Variants in DLG2 observed in about 807,000 individuals in gnomAD.
DLG2 encodes disks large homolog 2.
In DLG2, 45 loss-of-function variants were observed where a neutral mutation model predicts 132.5. The observed-to-expected ratio is 0.34, with a 90% confidence interval of 0.27 to 0.44. DLG2 has a LOEUF of 0.44. Among genes scored for constraint, DLG2 ranks in the 20% least tolerant of loss-of-function variants. The pLI, the probability that DLG2 is intolerant of heterozygous loss-of-function variation, is 1.00. For synonymous variants in DLG2, 424 were observed against 419.6 expected (o/e 1.01, Z -0.13); for missense variants, 1,045 against 1,196.9 (o/e 0.87, Z 1.87).
intron 7 of DLG2, chr11:84,273,330 C>T (rs950098036): frequency 9.6e-7 from 1 of 1,040,936 alleles, no homozygotes; most frequent in Non-Finnish European, 1.2e-6. Context: ...AAAAAAAAAA[C>T]CCTGCAGATC....
chr11:84,274,896 A>C (rs2097769910), intron 7 of DLG2, among the ~76,000 whole-genome samples: 1 of 152,028 alleles, frequency 6.6e-6, no homozygotes, highest in Non-Finnish European at 1.5e-5. Flanking sequence ...CTCTGCCTTC[A>C]TTCCTGCCCT....
intron 3 of DLG2, among the ~76,000 whole-genome samples, chr11:85,343,900 A>G (rs2082665153): frequency 1.3e-5 from 2 of 151,602 alleles, no homozygotes; most frequent in African/African-American, 4.9e-5. Context: ...ATCATACATC[A>G]TTTCAGCAAA....
At chr11:83,790,406 C>A (rs999100335) in intron 17 of DLG2, 106 of 1,008,896 alleles carry the variant, frequency 1.1e-4, no homozygotes, top group Non-Finnish European at 1.5e-4. Context: ...TGCCTCCCAA[C>A]ATGTGATTGG....
chr11:84,193,050 A>G (rs189471737), intron 8 of DLG2, among the ~76,000 whole-genome samples: 1 of 152,316 alleles, frequency 6.6e-6, no homozygotes, highest in East Asian at 1.9e-4. Context: ...GAAGTGGCTA[A>G]CAATGCATGT....
intron 6 of DLG2, among the ~76,000 whole-genome samples, chr11:84,984,752 A>G (rs1262345208): frequency 6.6e-6 from 1 of 152,198 alleles, no homozygotes; most frequent in Non-Finnish European, 1.5e-5. Flanking sequence ...CACACCTAAC[A>G]TAAGGACTCA....
At chr11:84,481,136 T>C (rs141234875) in intron 7 of DLG2, among the ~76,000 whole-genome samples, 18 of 152,252 alleles carry the variant, frequency 1.2e-4, no homozygotes, top group African/African-American at 4.1e-4. Context: ...AGGCCTAGGA[T>C]ACTGTTAGCG....
At chr11:83,927,858 G>A (rs1591217000) in intron 15 of DLG2, among the ~76,000 whole-genome samples, 1 of 152,046 alleles carries the variant, frequency 6.6e-6, no homozygotes, top group Non-Finnish European at 1.5e-5. Context: ...ATATTTTGGA[G>A]GTAGAATCAA....
intron 9 of DLG2, among the ~76,000 whole-genome samples, chr11:84,162,583 C>T (rs1285645273): frequency 2.6e-5 from 4 of 152,006 alleles, no homozygotes; most frequent in East Asian, 1.9e-4. Context: ...ACACATTCAT[C>T]GTGTATTTGT....
intron 18 of DLG2, among the ~76,000 whole-genome samples, chr11:83,680,517 A>T (rs1001889619): frequency 6.6e-6 from 1 of 152,140 alleles, no homozygotes; most frequent in Non-Finnish European, 1.5e-5. Context: ...TGCTCTATCC[A>T]GAAGCTTTGA....
At chr11:83,636,158 A>T (rs996814899) in intron 18 of DLG2, among the ~76,000 whole-genome samples, 1 of 152,108 alleles carries the variant, frequency 6.6e-6, no homozygotes, top group African/African-American at 2.4e-5. Flanking sequence ...CTTCTTAAAC[A>T]TCTAACTCTG....
chr11:84,985,534 CACAG>C (rs1352081011), intron 6 of DLG2, among the ~76,000 whole-genome samples: 2 of 151,858 alleles, frequency 1.3e-5, no homozygotes, highest in South Asian at 2.1e-4. Flanking sequence ...TCTGAAAGAG[CACAG>C]ACAGACAATC....
chr11:84,135,388 G>T (rs1376061086), intron 9 of DLG2, among the ~76,000 whole-genome samples: 2 of 152,066 alleles, frequency 1.3e-5, no homozygotes, highest in African/African-American at 4.8e-5. Flanking sequence ...GAAAAATGGG[G>T]CTGTTATTAT....
chr11:84,115,494 CA>C (rs915961766), intron 9 of DLG2, among the ~76,000 whole-genome samples: 23 of 151,856 alleles, frequency 1.5e-4, no homozygotes, highest in Non-Finnish European at 1.3e-4. Context: ...TTGCAGGGGA[CA>C]AAAAAAATTT....
chr11:84,106,626 A>T (rs2154187601), intron 9 of DLG2, among the ~76,000 whole-genome samples: 1 of 152,274 alleles, frequency 6.6e-6, no homozygotes, highest in South Asian at 2.1e-4. Flanking sequence ...TGCTGGGTAG[A>T]AAAGCCATCA....
intron 21 of DLG2, among the ~76,000 whole-genome samples, chr11:83,529,251 A>T (rs2095681083): frequency 6.6e-6 from 1 of 152,124 alleles, no homozygotes; most frequent in South Asian, 2.1e-4. Flanking sequence ...TCAATGACTT[A>T]TTCCTGTAGT....
chr11:85,222,074 G>A (rs2074683127), intron 4 of DLG2, among the ~76,000 whole-genome samples: 1 of 151,956 alleles, frequency 6.6e-6, no homozygotes, highest in Non-Finnish European at 1.5e-5. Flanking sequence ...AAGTAGATGG[G>A]ACTACAGGTG....
At position 85,124,287 on chromosome 11, in the gene DLG2, G is replaced by T. The variant is rs1158336987; in HGVS notation, c.283-12552C>A. ...TATTTATGTGACCTGTGTCACTTAA[G>T]ATTACTTCTAACACATATACAGACA... On this transcript the variant is annotated intron_variant, in intron 5 of 27. Coordinates refer to ENST00000376104, the MANE Select transcript of DLG2 (RefSeq NM_001142699.3). Among the ~76,000 whole-genome samples, 4 of 152,196 alleles carry T rather than the reference G, an allele frequency of 2.6e-5. No homozygotes were observed. In the East Asian group the frequency reaches 7.7e-4, roughly 29 times the overall value.
chr11:84,490,281 T>G (rs2099161493), intron 7 of DLG2, among the ~76,000 whole-genome samples: 3 of 152,148 alleles, frequency 2.0e-5, no homozygotes, highest in Non-Finnish European at 4.4e-5. Flanking sequence ...TAGTTTCAAG[T>G]TCCACAAATG....
At chr11:84,584,841 A>T (rs1396359025) in intron 6 of DLG2, among the ~76,000 whole-genome samples, 3 of 151,084 alleles carry the variant, frequency 2.0e-5, no homozygotes, top group African/African-American at 7.3e-5. Context: ...GGCGCCCGCC[A>T]CTACACCCGG....
Sources: gnomAD v4.1 joint callset for allele counts (sites outside exome capture counted in the v4.1 genomes callset) on GRCh38, gnomAD v4.1.1 for gene constraint, MANE v1.5 for transcripts, NCBI Gene and HGNC (gene_info 2026-07-23, HGNC 2026-07-21) for gene names.